Variants in CLIP1 observed in about 807,000 individuals in gnomAD.
The protein encoded by CLIP1 is CAP-Gly domain containing linker protein 1.
A neutral mutation model predicts 161.6 loss-of-function variants in CLIP1; 66 were observed. That is an observed-to-expected ratio of 0.41 (90% CI 0.33 to 0.50). CLIP1 has a LOEUF of 0.50. CLIP1 is among the 20% of genes least tolerant of loss of function. CLIP1 has a pLI of 0.27. For missense variants in CLIP1, 1,376 were observed against 1,702.0 expected (o/e 0.81, Z 3.37); for synonymous variants, 598 against 626.2 (o/e 0.96, Z 0.67).
intron 1 of CLIP1, among the ~76,000 whole-genome samples, chr12:122,391,821 A>G (rs1237500172): frequency 6.6e-6 from 1 of 152,208 alleles, no homozygotes; most frequent in Non-Finnish European, 1.5e-5. Flanking sequence ...GGATGTTTCA[A>G]ATAGTTGGAA....
intron 7 of CLIP1, 21 bp downstream of exon 7, chr12:122,354,432 C>A: frequency 6.3e-7 from 1 of 1,598,484 alleles, no homozygotes; most frequent in Non-Finnish European, 8.6e-7. Flanking sequence ...ACACTTGCAC[C>A]AGGAAACAGT....
At chr12:122,377,345 T>C (rs1338259674) in intron 3 of CLIP1, 44 bp downstream of exon 3, 1 of 1,532,458 alleles carries the variant, frequency 6.5e-7, no homozygotes, top group East Asian at 2.2e-5. Flanking sequence ...CTGGTGTTTA[T>C]ATCTCAGTTC....
At chr12:122,383,213 G>A (rs150427097) in intron 1 of CLIP1, among the ~76,000 whole-genome samples, 1 of 152,314 alleles carries the variant, frequency 6.6e-6, no homozygotes, top group African/African-American at 2.4e-5. Flanking sequence ...GACGGAGCAG[G>A]CACTGTGGTT....
At chr12:122,371,516 C>A (rs534319442) in intron 3 of CLIP1, among the ~76,000 whole-genome samples, 1 of 152,288 alleles carries the variant, frequency 6.6e-6, no homozygotes, top group East Asian at 1.9e-4. Flanking sequence ...AGAGTTTAGG[C>A]AAAGGAACAG....
chr12:122,343,087 C>CTG (rs1952579556), intron 10 of CLIP1: 1 of 151,286 alleles, frequency 6.6e-6, no homozygotes, highest in Non-Finnish European at 1.5e-5. Flanking sequence ...AATAACACAT[C>CTG]ACCTGTAGAA....
intron 5 of CLIP1, among the ~76,000 whole-genome samples, chr12:122,357,171 G>A (rs1054877256): frequency 2.3e-4 from 35 of 151,474 alleles, no homozygotes; most frequent in African/African-American, 8.0e-4. Context: ...CTTCCCGGCC[G>A]CCGTCCCATC....
intron 20 of CLIP1, among the ~76,000 whole-genome samples, chr12:122,292,913 G>C (rs1950304342): frequency 6.7e-6 from 1 of 149,422 alleles, no homozygotes; most frequent in Admixed American, 6.7e-5. Flanking sequence ...TGAGGCAGGA[G>C]AATGGCATGA....
chr12:122,358,192 A>C (rs1180729818), intron 5 of CLIP1, among the ~76,000 whole-genome samples: 1 of 151,312 alleles, frequency 6.6e-6, no homozygotes, highest in Non-Finnish European at 1.5e-5. Flanking sequence ...GGTTAAATGG[A>C]TTAAGGGCGG....
At chr12:122,415,076 A>T (rs1045543192) in intron 1 of CLIP1, among the ~76,000 whole-genome samples, 2 of 151,760 alleles carry the variant, frequency 1.3e-5, no homozygotes, top group Admixed American at 1.3e-4. Flanking sequence ...ATAATAATAA[A>T]TAATTTTTTA....
rs575974040 is a variant in CLIP1, at chr12:122,392,998, T to G, written c.-106-12440A>C. 2.6e-5 allele frequency among the ~76,000 whole-genome samples: 4 copies of G among 152,182 alleles called. No homozygotes were observed. In the South Asian group the frequency reaches 8.3e-4, roughly 32 times the overall value. On this transcript the variant is annotated intron_variant, in intron 1 of 25. Coordinates refer to ENST00000620786, the MANE Select transcript of CLIP1 (RefSeq NM_001247997.2). ...GGTTTCGCTATGTTGGCCAGGCTGG[T>G]CTTGAACTCCTGACCTCAAGTGATC...
At chr12:122,284,830 C>G (rs1008345742) in intron 21 of CLIP1, among the ~76,000 whole-genome samples, 2 of 152,104 alleles carry the variant, frequency 1.3e-5, no homozygotes, top group South Asian at 2.1e-4. Context: ...CAGAAGAGAA[C>G]CAGCATAAAA....
rs763434872 is a variant in CLIP1 at position 122,336,766 on chromosome 12, A to G, written c.2452-18T>C. On this transcript the variant is annotated intron_variant, in intron 11 of 25. Transcript: ENST00000620786. Reference sequence around the variant, plus strand: ...CTACTAGCCTAACACACAGTGTTACATGGTATAGAAGCAAATGAACAAAAG... The same window carrying G: ...CTACTAGCCTAACACACAGTGTTACGTGGTATAGAAGCAAATGAACAAAAG... 28 of 1,169,526 alleles carry G rather than the reference A, an allele frequency of 2.4e-5. No homozygotes were observed. Among genetic ancestry groups the G allele is most frequent in the Non-Finnish European group, 1.6e-5 (13 of 806,824 alleles). 72.4% of individuals were successfully genotyped at this position (1,169,526 alleles called of 1,614,324 possible).
chr12:122,406,610 T>C (rs1956335811), intron 1 of CLIP1, among the ~76,000 whole-genome samples: 1 of 152,158 alleles, frequency 6.6e-6, no homozygotes, highest in Non-Finnish European at 1.5e-5. Flanking sequence ...CTTTCCAAAG[T>C]CAAGAGTAGA....
At chr12:122,327,484 A>G (rs923033378) in intron 17 of CLIP1, among the ~76,000 whole-genome samples, 5 of 152,046 alleles carry the variant, frequency 3.3e-5, no homozygotes, top group Non-Finnish European at 7.4e-5. Flanking sequence ...AACTCTTCCT[A>G]GAAGAGCTCT....
chr12:122,422,016 G>A (rs1055759243), intron 1 of CLIP1, among the ~76,000 whole-genome samples: 3 of 152,304 alleles, frequency 2.0e-5, no homozygotes, highest in Admixed American at 6.5e-5. Context: ...GGGGGAGGCC[G>A]GGCCAGGGTG....
At chr12:122,382,983 G>T (rs1173137936) in intron 1 of CLIP1, among the ~76,000 whole-genome samples, 1 of 152,186 alleles carries the variant, frequency 6.6e-6, no homozygotes, top group Non-Finnish European at 1.5e-5. Context: ...CAGCTTGCAA[G>T]TTTCAAGCAG....
chr12:122,380,242 CAA>C (rs377693183), intron 2 of CLIP1, 124 bp downstream of exon 2: 3,442 of 422,044 alleles, frequency 8.2e-3, no homozygotes, highest in South Asian at 0.012. Context: ...GATTCCATCT[CAA>C]AAAAAAAAAA....
chr12:122,412,808 C>T (rs747832291), intron 1 of CLIP1, among the ~76,000 whole-genome samples: 1 of 151,892 alleles, frequency 6.6e-6, no homozygotes, highest in Non-Finnish European at 1.5e-5. Context: ...AAGAAGAGAA[C>T]ATTATGTTAC....
intron 20 of CLIP1, among the ~76,000 whole-genome samples, chr12:122,299,808 C>A (rs939803069): frequency 6.6e-6 from 1 of 151,432 alleles, no homozygotes; most frequent in Non-Finnish European, 1.5e-5. Flanking sequence ...CCCAGCTACT[C>A]GGGAAGCTGA....
Sources: allele counts gnomAD v4.1 joint callset (sites outside exome capture counted in the v4.1 genomes callset), GRCh38; gene constraint gnomAD v4.1.1; transcripts MANE v1.5; gene names NCBI Gene and HGNC (gene_info 2026-07-23, HGNC 2026-07-21).